Variants in GAB4 observed in about 807,000 individuals in gnomAD.
The protein encoded by GAB4 is GRB2 associated binding protein family member 4.
In GAB4, 26 loss-of-function variants were observed where a neutral mutation model predicts 51.3. That is an observed-to-expected ratio of 0.51 (90% CI 0.37 to 0.70). The LOEUF (loss-of-function observed/expected upper bound fraction) is 0.70, where lower values mean the gene tolerates loss of function less well. Ranked by LOEUF, GAB4 falls within the 30% of genes least tolerant of loss-of-function variation. The pLI is 0.00. For synonymous variants in GAB4, 329 were observed against 291.2 expected (o/e 1.13, Z -1.32); for missense variants, 759 against 734.6 (o/e 1.03, Z -0.38).
At chr22:17,004,060 C>G (rs2123729069) in intron 1 of GAB4, among the ~76,000 whole-genome samples, 1 of 152,280 alleles carries the variant, frequency 6.6e-6, no homozygotes, top group Middle Eastern at 3.4e-3. Flanking sequence ...TGCAAATAAA[C>G]TAGGAAATTC....
At chr22:16,970,562 G>A (rs2060722342) in intron 3 of GAB4, among the ~76,000 whole-genome samples, 1 of 152,164 alleles carries the variant, frequency 6.6e-6, no homozygotes, top group African/African-American at 2.4e-5. Context: ...AGAGCAGCAA[G>A]CCAGGTACAC....
chr22:17,002,306 G>A (rs951539854), intron 1 of GAB4, among the ~76,000 whole-genome samples: 2 of 152,158 alleles, frequency 1.3e-5, no homozygotes, highest in Non-Finnish European at 2.9e-5. Flanking sequence ...TTAAAGAAAA[G>A]AATTTTCAAC....
intron 1 of GAB4, among the ~76,000 whole-genome samples, chr22:16,995,243 G>T (rs947998921): frequency 3.3e-5 from 5 of 152,134 alleles, no homozygotes; most frequent in Admixed American, 3.3e-4. Context: ...ATAGTTGGGC[G>T]GATAATGGAA....
Position 16,992,168 on chromosome 22 carries a change from C to A in GAB4, c.183G>T (p.Arg61Ser). The A allele has an allele frequency of 6.2e-7, 1 of 1,606,974 alleles. No individual in the cohort carries two copies. Among genetic ancestry groups the A allele is most frequent in the East Asian group, 2.2e-5 (1 of 44,686 alleles). ...PEKKLRLFAW[R>S]KRWFILRRGQ... ...CCCTCCGCAGGATAAACCAGCGTTT[C>A]CTCCAGGCCTAAGGAAGGAGTAAGA... is the stretch of plus-strand genomic sequence containing the variant. Residue 61 changes from arginine to serine, a missense_variant, in exon 2 of 10, where the codon AGG (arginine) becomes AGT (serine). Transcript: ENST00000400588.
At chr22:16,963,850 A>C (rs1486672060) in intron 8 of GAB4, 21 bp from the exon 9 acceptor site, 5 of 1,593,734 alleles carry the variant, frequency 3.1e-6, no homozygotes, top group Non-Finnish European at 4.3e-6. Flanking sequence ...AAGGAGGAAA[A>C]TCCTGCAAAT....
At chr22:16,963,401 C>A (rs1051289849) in intron 9 of GAB4, among the ~76,000 whole-genome samples, 3 of 152,208 alleles carry the variant, frequency 2.0e-5, no homozygotes, top group African/African-American at 4.8e-5. Flanking sequence ...ACAGTGAGTT[C>A]TCCTCACAGA....
intron 3 of GAB4, among the ~76,000 whole-genome samples, chr22:16,984,899 A>C (rs1328685538): frequency 4.6e-5 from 7 of 152,184 alleles, no homozygotes; most frequent in Admixed American, 1.3e-4. Context: ...AGTTTCCAGG[A>C]AAGTTTTAAC....
chr22:16,991,245 G>A lies in GAB4; in HGVS notation c.478+628C>T, dbSNP rs537384260. On this transcript the variant is annotated intron_variant, in intron 2 of 9. Coordinates refer to ENST00000400588, the MANE Select transcript of GAB4 (RefSeq NM_001037814.1). ...TCCTTGGCATCAACATTTTACAAATGTCCCTCCTTAATTCTGATGTGCAAC... is the reference window on the plus strand; with the variant it reads ...TCCTTGGCATCAACATTTTACAAATATCCCTCCTTAATTCTGATGTGCAAC... 2.0e-4 allele frequency among the ~76,000 whole-genome samples: 30 copies of A among 150,790 alleles called. No homozygotes were observed. The South Asian group carries it at 5.9e-3, about 30-fold the overall frequency.
chr22:16,968,483 A>G (rs1337966117), intron 4 of GAB4, 100 bp from the exon 5 acceptor site: 2 of 815,540 alleles, frequency 2.5e-6, no homozygotes, highest in Non-Finnish European at 4.3e-6. Flanking sequence ...CTGATGCTCT[A>G]GAGGACACGA....
At chr22:16,997,678 T>C (rs145725723) in intron 1 of GAB4, among the ~76,000 whole-genome samples, 3 of 152,296 alleles carry the variant, frequency 2.0e-5, no homozygotes, top group East Asian at 1.9e-4. Context: ...GCTTTTGTTG[T>C]CATTACTTTG....
intron 1 of GAB4, among the ~76,000 whole-genome samples, chr22:17,002,059 G>A (rs930159901): frequency 1.6e-4 from 24 of 152,274 alleles, no homozygotes; most frequent in African/African-American, 5.8e-4. Context: ...GGTACCATCT[G>A]TTATGGCTTC....
At chr22:16,965,095 T>A in intron 7 of GAB4, 83 bp downstream of exon 7, 1 of 1,050,756 alleles carries the variant, frequency 9.5e-7, no homozygotes, top group East Asian at 2.5e-5. Flanking sequence ...CATCCAGTTA[T>A]CCTGACCACA....
chr22:16,963,437 C>A (rs1429709240), intron 9 of GAB4, among the ~76,000 whole-genome samples: 1 of 152,162 alleles, frequency 6.6e-6, no homozygotes, highest in Non-Finnish European at 1.5e-5. Flanking sequence ...GCCAGGTTGC[C>A]GGTCCTGGGT....
chr22:16,995,926 A>G (rs2060946189), intron 1 of GAB4, among the ~76,000 whole-genome samples: 2 of 152,126 alleles, frequency 1.3e-5, no homozygotes, highest in Admixed American at 1.3e-4. Flanking sequence ...ACTCCTTGCC[A>G]GCAAGAGAAC....
intron 1 of GAB4, among the ~76,000 whole-genome samples, chr22:16,998,731 A>G (rs567906159): frequency 1.3e-5 from 2 of 152,340 alleles, no homozygotes; most frequent in South Asian, 4.1e-4. Flanking sequence ...GCCAGTTTTC[A>G]AAGGGAATGC....
chr22:16,996,675 A>T (rs2060951617), intron 1 of GAB4, among the ~76,000 whole-genome samples: 2 of 152,274 alleles, frequency 1.3e-5, no homozygotes, highest in Non-Finnish European at 2.9e-5. Flanking sequence ...TTTTATTATT[A>T]TTATACTTTA....
chr22:16,966,071 G>T, intron 6 of GAB4, 29 bp downstream of exon 6: 1 of 1,609,318 alleles, frequency 6.2e-7, no homozygotes, highest in Non-Finnish European at 8.5e-7. Flanking sequence ...CCTGGACATT[G>T]TCAAGAAATA....
chr22:16,980,775 A>G (rs1601265383), intron 3 of GAB4, among the ~76,000 whole-genome samples: 1 of 152,330 alleles, frequency 6.6e-6, no homozygotes, highest in East Asian at 1.9e-4. Flanking sequence ...CCTCAATGAT[A>G]GACTGGATAA....
chr22:16,993,804 T>C (rs1601283067), intron 1 of GAB4, among the ~76,000 whole-genome samples: 1 of 152,204 alleles, frequency 6.6e-6, no homozygotes, highest in Admixed American at 6.5e-5. Context: ...AACACCCTTA[T>C]TTCTTTGTTT....
Sources: allele counts gnomAD v4.1 joint callset (sites outside exome capture counted in the v4.1 genomes callset), GRCh38; gene constraint gnomAD v4.1.1; transcripts MANE v1.5; gene names NCBI Gene and HGNC (gene_info 2026-07-23, HGNC 2026-07-21).